The following HERPUD2 variants were observed in gnomAD, a reference collection of about 807,000 sequenced individuals.
HERPUD2 encodes the protein HERPUD family member 2.
A neutral mutation model predicts 49.9 loss-of-function variants in HERPUD2; 13 were observed. The ratio of observed to expected loss-of-function variants is 0.26; its 90% CI spans 0.17 to 0.41. The LOEUF (loss-of-function observed/expected upper bound fraction) is 0.41, where lower values mean the gene tolerates loss of function less well. HERPUD2 is among the 10% of genes least tolerant of loss of function. HERPUD2 has a pLI of 1.00. For synonymous variants in HERPUD2, 172 were observed against 171.4 expected, an observed-to-expected ratio of 1.00 and a Z score of -0.03; for missense variants, 449 against 492.2, an observed-to-expected ratio of 0.91 and a Z score of 0.83.
In HERPUD2 at chr7:35,662,139, T is replaced by C. The variant is rs193196535; in HGVS notation, c.494+5295A>G. 6.8e-3 allele frequency among the ~76,000 whole-genome samples: 1,039 copies of C among 152,336 alleles called. 11 individuals are homozygous for C. Among genetic ancestry groups the C allele is most frequent in the African/African-American group, 0.024 (989 of 41,568 alleles). On this transcript the variant is annotated intron_variant, in intron 5 of 8. Transcript: ENST00000311350. ...TGCATCTATTGAGATAATCATGTGG[T>C]TTCTGTCTTTAGTTCTGTTTATAGG... is the stretch of plus-strand genomic sequence containing the variant.
intron 5 of HERPUD2, 69 bp downstream of exon 5, chr7:35,667,365 T>C: frequency 7.2e-7 from 1 of 1,391,852 alleles, no homozygotes; most frequent in Non-Finnish European, 1.0e-6. Flanking sequence ...GAGGCTATAG[T>C]GAAACTCAAA....
chr7:35,664,992 G>A (rs1469528470), intron 5 of HERPUD2, among the ~76,000 whole-genome samples: 5 of 152,234 alleles, frequency 3.3e-5, no homozygotes, highest in East Asian at 1.9e-4. Context: ...CATCTCAGAG[G>A]GGCACCCAGC....
intron 5 of HERPUD2, among the ~76,000 whole-genome samples, chr7:35,663,445 C>T (rs1785471539): frequency 6.6e-6 from 1 of 152,094 alleles, no homozygotes; most frequent in Non-Finnish European, 1.5e-5. Context: ...GAGTTCAATT[C>T]CTGGATATCC....
chr7:35,662,508 CTTT>C (rs997421499), intron 5 of HERPUD2, among the ~76,000 whole-genome samples: 1 of 152,136 alleles, frequency 6.6e-6, no homozygotes, highest in African/African-American at 2.4e-5. Flanking sequence ...TGGTCTTGGA[CTTT>C]TTTTGGTTGG....
intron 5 of HERPUD2, among the ~76,000 whole-genome samples, chr7:35,654,363 C>T (rs1211488781): frequency 6.6e-6 from 1 of 151,246 alleles, no homozygotes; most frequent in Non-Finnish European, 1.5e-5. Flanking sequence ...AAAAAGGAAA[C>T]CTTACAACTG....
At chr7:35,644,025 T>G (rs1478725951) in intron 5 of HERPUD2, among the ~76,000 whole-genome samples, 1 of 152,120 alleles carries the variant, frequency 6.6e-6, no homozygotes, top group East Asian at 1.9e-4. Flanking sequence ...TTAAAACTAT[T>G]TGAAAAACAT....
chr7:35,688,228 C>T (rs1172868203), intron 2 of HERPUD2, among the ~76,000 whole-genome samples: 1 of 152,140 alleles, frequency 6.6e-6, no homozygotes, highest in South Asian at 2.1e-4. Context: ...CTTCCCATTT[C>T]CCACTAAAAG....
chr7:35,664,249 C>T (rs1051205782), intron 5 of HERPUD2, among the ~76,000 whole-genome samples: 9 of 152,242 alleles, frequency 5.9e-5, no homozygotes, highest in South Asian at 2.1e-4. Context: ...GAGTTTCTGC[C>T]GAGAGATCAG....
intron 2 of HERPUD2, among the ~76,000 whole-genome samples, chr7:35,676,264 T>G (rs1446487990): frequency 6.6e-6 from 1 of 152,248 alleles, no homozygotes; most frequent in Non-Finnish European, 1.5e-5. Context: ...TTAGGCAAAC[T>G]GTATCTTCCT....
chr7:35,689,494 A>G (rs1251156072), intron 2 of HERPUD2, among the ~76,000 whole-genome samples: 1 of 152,252 alleles, frequency 6.6e-6, no homozygotes, highest in Non-Finnish European at 1.5e-5. Flanking sequence ...ATAGGAAATT[A>G]CAAAACTAAG....
At position 35,635,557 on chromosome 7, in the gene HERPUD2, C is replaced by T. The variant is rs1784858449; in HGVS notation, c.618-99G>A. The stretch of plus-strand genomic sequence containing the variant: ...GGGAGCTATATGTATTTTTCATAAA[C>T]CTAATATGGAATATCCCAACTCCTG... On this transcript the variant is annotated intron_variant, in intron 6 of 8. Transcript: ENST00000311350. The T allele has an allele frequency of 7.1e-6, 7 of 987,196 alleles. No individual in the cohort carries two copies. In the African/African-American group the frequency reaches 8.2e-5, roughly 12 times the overall value. 61.2% of individuals were successfully genotyped at this position (987,196 alleles called of 1,614,324 possible).
intron 6 of HERPUD2, among the ~76,000 whole-genome samples, chr7:35,636,672 G>C (rs1284102764): frequency 6.6e-6 from 1 of 152,144 alleles, no homozygotes. Flanking sequence ...TGGAGCCAAG[G>C]GCTTATGAAA....
intron 4 of HERPUD2, among the ~76,000 whole-genome samples, chr7:35,667,955 T>C (rs764285539): frequency 3.3e-5 from 5 of 152,208 alleles, no homozygotes; most frequent in Non-Finnish European, 7.3e-5. Context: ...CATACATTTA[T>C]TGAAAGTGTT....
At chr7:35,678,833 T>C (rs1220994059) in intron 2 of HERPUD2, among the ~76,000 whole-genome samples, 3 of 152,172 alleles carry the variant, frequency 2.0e-5, no homozygotes, top group African/African-American at 7.2e-5. Context: ...CATTTTCCTA[T>C]TAAACTGTAA....
chr7:35,658,521 C>T (rs1462435918), intron 5 of HERPUD2, among the ~76,000 whole-genome samples: 3 of 152,190 alleles, frequency 2.0e-5, no homozygotes, highest in Admixed American at 2.0e-4. Flanking sequence ...CGTAAATACC[C>T]TGACTTGATC....
intron 5 of HERPUD2, among the ~76,000 whole-genome samples, chr7:35,656,143 C>T (rs1490976095): frequency 1.3e-5 from 2 of 151,584 alleles, no homozygotes; most frequent in African/African-American, 2.4e-5. Context: ...GACTGGGCAA[C>T]AAGAGTGAAA....
At chr7:35,658,085 T>C (rs1785320917) in intron 5 of HERPUD2, among the ~76,000 whole-genome samples, 1 of 152,172 alleles carries the variant, frequency 6.6e-6, no homozygotes, top group Non-Finnish European at 1.5e-5. Context: ...TCAATCTAAG[T>C]GTTCATTAAT....
At chr7:35,653,139 C>T (rs1482914115) in intron 5 of HERPUD2, among the ~76,000 whole-genome samples, 1 of 152,034 alleles carries the variant, frequency 6.6e-6, no homozygotes, top group Non-Finnish European at 1.5e-5. Context: ...TACAGAGGGG[C>T]TGAAAGAATT....
intron 5 of HERPUD2, among the ~76,000 whole-genome samples, chr7:35,640,442 T>C (rs1336686658): frequency 1.3e-5 from 2 of 152,212 alleles, no homozygotes; most frequent in Non-Finnish European, 2.9e-5. Flanking sequence ...TAAAAAGTTA[T>C]AGCTTCCCAT....
Sources: allele counts gnomAD v4.1 joint callset (sites outside exome capture counted in the v4.1 genomes callset), GRCh38; gene constraint gnomAD v4.1.1; transcripts MANE v1.5; gene names NCBI Gene and HGNC (gene_info 2026-07-23, HGNC 2026-07-21).